SFTPB: variants seen among roughly 807,000 people sequenced by gnomAD.
The protein encoded by SFTPB is pulmonary surfactant-associated protein B.
Under a neutral mutation model 51.0 loss-of-function variants are expected in SFTPB, and 32 were observed. The ratio of observed to expected loss-of-function variants is 0.63; its 90% CI spans 0.47 to 0.84. The LOEUF (loss-of-function observed/expected upper bound fraction) is 0.84, where lower values mean the gene tolerates loss of function less well. SFTPB is among the 40% of genes least tolerant of loss of function. The pLI, the probability that SFTPB is intolerant of heterozygous loss-of-function variation, is 0.00. For missense variants in SFTPB, 431 were observed against 491.2 expected (o/e 0.88, Z 1.16); for synonymous variants, 211 against 208.5 (o/e 1.01, Z -0.10).
At chr2:85,665,463 C>T in intron 5 of SFTPB, 85 bp from the exon 6 acceptor site, 2 of 1,438,894 alleles carry the variant, frequency 1.4e-6, no homozygotes, top group South Asian at 1.2e-5. Context: ...TCCTCCCTTT[C>T]TCTCCCTCCT....
Position 85,668,127 on chromosome 2 carries a change from G to A in SFTPB, c.57C>T (p.Gly19=), listed in dbSNP as rs1282148586. ...WLLLLLPTLC[G]PGTAAWTTSS... is the part of the protein sequence containing the mutation. Reference sequence around the variant, plus strand: ...CTGGGGGAGACTCACCAGTGCCTGGGCCACAGAGCGTGGGCAGCAGCAGCA... The same window carrying A: ...CTGGGGGAGACTCACCAGTGCCTGGACCACAGAGCGTGGGCAGCAGCAGCA... Residue 19 remains glycine (G), a synonymous_variant, in exon 1 of 11, where the codon GGC becomes GGT. Transcript: ENST00000519937. 4 of 1,551,162 alleles carry A rather than the reference G, an allele frequency of 2.6e-6. No homozygotes were observed. The highest frequency in any genetic ancestry group is 3.5e-6 in the Non-Finnish European group (4 of 1,146,626).
chr2:85,667,022 G>A, intron 3 of SFTPB, 84 bp downstream of exon 3: 1 of 1,266,532 alleles, frequency 7.9e-7, no homozygotes, highest in South Asian at 1.2e-5. Context: ...CCTGGAAATG[G>A]CCCCTTTAGG....
rs546725495 is a variant in SFTPB, at chr2:85,666,791, C to A, written c.268-49G>T. The A allele has an allele frequency of 5.6e-6, 9 of 1,612,158 alleles. 1 individual carries two copies. Among genetic ancestry groups the A allele is most frequent in the Admixed American group, 1.7e-5 (1 of 59,984 alleles). ...AGCTGGGCCTCTCTGAGGTCTACCC[C>A]GCCCAAGTCCCTGGACACAAGGCCC... On this transcript the variant is annotated intron_variant, in intron 3 of 10. Transcript: ENST00000519937.
At chr2:85,662,350 T>C in intron 8 of SFTPB, 1 of 1,291,672 alleles carries the variant, frequency 7.7e-7, no homozygotes, top group Non-Finnish European at 1.0e-6. Flanking sequence ...AGGGGTGGAA[T>C]CTCAGCCACC....
intron 9 of SFTPB, 104 bp downstream of exon 9, chr2:85,661,925 C>T: frequency 8.6e-7 from 1 of 1,157,708 alleles, no homozygotes; most frequent in Non-Finnish European, 1.3e-6. Context: ...CCTGGGACCA[C>T]CTTGGACCCA....
In SFTPB at chr2:85,666,570, G is replaced by A. The variant is rs558075872; in HGVS notation, c.393+47C>T. On this transcript the variant is annotated intron_variant, in intron 4 of 10. Transcript: ENST00000519937. ...GTGTGGCTCCCCATGGGTGGGCACA[G>A]GGGCCTGCGTGGGGAGGCAGGCAGG... 10 of 1,602,338 alleles carry A rather than the reference G, an allele frequency of 6.2e-6. No individual in the cohort carries two copies. In the East Asian group the frequency reaches 2.0e-4, roughly 32 times the overall value.
At chr2:85,666,493 C>CTGTGTGTG (rs59023726) in intron 4 of SFTPB, 124 bp downstream of exon 4, 195 of 739,500 alleles carry the variant, frequency 2.6e-4, no homozygotes, top group South Asian at 7.8e-4. Flanking sequence ...GGCTTGGGTG[C>CTGTGTGTG]TGTGTGTGTG....
At chr2:85,661,982 T>C in intron 9 of SFTPB, 47 bp downstream of exon 9, 1 of 1,545,232 alleles carries the variant, frequency 6.5e-7, no homozygotes, top group South Asian at 1.2e-5. Flanking sequence ...GTGGGGGCTC[T>C]GGGAGCCAAG....
chr2:85,665,619 C>A lies in SFTPB; in HGVS notation c.569G>T (p.Gly190Val). The A allele has an allele frequency of 6.2e-7, 1 of 1,613,714 alleles. No individual in the cohort carries two copies. Among genetic ancestry groups the A allele is most frequent in the Non-Finnish European group, 8.5e-7 (1 of 1,180,014 alleles). The part of the protein sequence containing the change: ...VLPGALQARP[G>V]PHTQDLSEQQ... ...GGCCTCCCTCACCTGTGTGTGAGGC[C>A]CAGGCCTCGCCTGGAGGGCCCCGGG... The change falls in exon 5 of 11, where the codon GGG becomes GTG. Residue 190 changes from glycine (G) to valine (V), a missense_variant. Transcript: ENST00000519937.
chr2:85,666,424 TGTGTG>T, intron 4 of SFTPB, 188 bp downstream of exon 4: 1 of 164,096 alleles, frequency 6.1e-6, no homozygotes, highest in East Asian at 1.3e-4. Context: ...GCTGGGGTGT[TGTGTG>T]TGTGTGTGTG....
In SFTPB at chr2:85,662,025, G is replaced by A. The variant is rs1314504680; in HGVS notation, c.1083+4C>T. 8.2e-6 allele frequency: 13 copies of A among 1,594,326 alleles called. No individual in the cohort carries two copies. The highest frequency in any genetic ancestry group is 1.1e-5 in the Non-Finnish European group (13 of 1,172,274). ...CTAGGACCAACTGGGAGGGGTGGGT[G>A]TACCTGGCAGGTGGTGTGGGCATCC... On this transcript the variant is annotated splice_donor_region_variant and intron_variant, in intron 9 of 10. Coordinates refer to ENST00000519937, the MANE Select transcript of SFTPB (RefSeq NM_000542.5).
intron 1 of SFTPB, 26 bp downstream of exon 1, chr2:85,668,091 G>T: frequency 6.6e-7 from 1 of 1,523,960 alleles, no homozygotes; most frequent in South Asian, 1.2e-5. Flanking sequence ...AGCTGCCTAG[G>T]AGAGGGGAGG....
chr2:85,660,401 C>G (rs989110892), intron 10 of SFTPB, among the ~76,000 whole-genome samples: 7 of 143,030 alleles, frequency 4.9e-5, no homozygotes, highest in Non-Finnish European at 1.0e-4. Flanking sequence ...TCCCAAAGTG[C>G]TGGGATTACA....
intron 4 of SFTPB, 154 bp downstream of exon 4, chr2:85,666,439 GTGTGTGTCCGGCTGGCTGGGGTGC>G (rs1677624637): frequency 3.4e-6 from 2 of 583,856 alleles, no homozygotes; most frequent in South Asian, 3.6e-5. Context: ...GTGTGTGTGT[GTGTGTGTCCGGCTGGCTGGGGTGC>G]TGTGTGTTTG....
intron 6 of SFTPB, among the ~76,000 whole-genome samples, chr2:85,664,904 A>T (rs1677494844): frequency 6.6e-6 from 1 of 152,222 alleles, no homozygotes; most frequent in South Asian, 2.1e-4. Flanking sequence ...AAGGATGGGG[A>T]ATCTATCTGT....
rs372762467 is a variant in SFTPB at position 85,663,504 on chromosome 2, G to A, written c.857-13C>T. ...CCTGTCGGCGACCCTGGAGATGTGA[G>A]CATTAGGGGGAAAGCAGGCAAGGCC... On this transcript the variant is annotated splice_polypyrimidine_tract_variant and intron_variant, in intron 7 of 10. Transcript: ENST00000519937. The A allele has an allele frequency of 1.4e-5, 23 of 1,613,546 alleles. No individual in the cohort carries two copies. Among genetic ancestry groups the A allele is most frequent in the Admixed American group, 6.7e-5 (4 of 59,944 alleles).
At chr2:85,662,863 AAAAG>A (rs1677378636) in intron 8 of SFTPB, among the ~76,000 whole-genome samples, 1 of 151,694 alleles carries the variant, frequency 6.6e-6, no homozygotes, top group Non-Finnish European at 1.5e-5. Context: ...AAAAAAAAAA[AAAAG>A]GGAATTTCCT....
rs948094094 is a variant in SFTPB, at chr2:85,661,173, G to A, written c.*19+281C>T. 2.8e-4 allele frequency: 99 copies of A among 353,864 alleles called. 1 individual carries two copies. The highest frequency in any genetic ancestry group is 2.0e-3 in the African/African-American group (95 of 47,410). The allele number at this position is 353,864 out of a possible 1,614,324, so 21.9% of individuals were successfully genotyped here. A position where few individuals can be genotyped will look rare whatever the true frequency, so the allele number is the denominator to read the frequency against. On this transcript the variant is annotated intron_variant, in intron 10 of 10. Coordinates refer to ENST00000519937, the MANE Select transcript of SFTPB (RefSeq NM_000542.5). ...AGTCCCTGGGGCAAGCTCTGAGAGG[G>A]AGGCCTGGGACAGGGCAGGGCGGGG...
At position 85,668,188 on chromosome 2, in the gene SFTPB, C is replaced by T. The variant is rs1463509723; in HGVS notation, c.-5G>A. On this transcript the variant is annotated 5_prime_UTR_variant, in exon 1 of 11. The change creates a new upstream start codon in the 5' untranslated region. Transcript: ENST00000519937. ...CAGCAGGTGTGACTCAGCCATGGCA[C>T]CTCTGCAGCCTGGGTACCCTGCTTG... 12 of 1,551,152 alleles carry T rather than the reference C, an allele frequency of 7.7e-6. No homozygotes were observed. Among genetic ancestry groups the T allele is most frequent in the Non-Finnish European group, 1.0e-5 (12 of 1,146,832 alleles).
Sources: gnomAD v4.1 joint callset for allele counts (sites outside exome capture counted in the v4.1 genomes callset) on GRCh38, gnomAD v4.1.1 for gene constraint, MANE v1.5 for transcripts, NCBI Gene and HGNC (gene_info 2026-07-23, HGNC 2026-07-21) for gene names.